Variants in SH2D4A observed in about 807,000 individuals in gnomAD.
SH2D4A encodes the protein SH2 domain containing 4A.
SH2D4A carries 70 observed loss-of-function variants against 64.7 expected under a neutral mutation model. That is an observed-to-expected ratio of 1.08 (90% CI 0.89 to 1.32). The LOEUF (loss-of-function observed/expected upper bound fraction) is 1.32. Among genes scored for constraint, SH2D4A ranks in the 40% most tolerant of loss-of-function variants. SH2D4A has a pLI of 0.00. For missense variants in SH2D4A, 706 were observed against 540.1 expected, an observed-to-expected ratio of 1.31 and a Z score of -3.04; for synonymous variants, 268 against 200.7, an observed-to-expected ratio of 1.34 and a Z score of -2.83.
intron 4 of SH2D4A, among the ~76,000 whole-genome samples, chr8:19,344,132 C>T (rs571164204): frequency 1.4e-4 from 21 of 152,252 alleles, no homozygotes; most frequent in Middle Eastern, 3.4e-3. Flanking sequence ...TATTAGTTTT[C>T]TTTGTGGCTT....
chr8:19,315,708 C>G (rs923632149), intron 1 of SH2D4A, among the ~76,000 whole-genome samples: 1 of 152,198 alleles, frequency 6.6e-6, no homozygotes, highest in Admixed American at 6.5e-5. Context: ...TCTTGAATAA[C>G]CGGAGATTTG....
At chr8:19,320,950 G>A (rs1432336899) in intron 2 of SH2D4A, among the ~76,000 whole-genome samples, 1 of 152,206 alleles carries the variant, frequency 6.6e-6, no homozygotes, top group Non-Finnish European at 1.5e-5. Context: ...CACAAAGGAG[G>A]TCAGTGTAGC....
In SH2D4A at chr8:19,316,516, G is replaced by C. The variant is rs1010623548; in HGVS notation, c.-205+2693G>C. Among the ~76,000 whole-genome samples the C allele has an allele frequency of 2.0e-5, 3 of 152,160 alleles. No individual in the cohort carries two copies. In the South Asian group the frequency reaches 6.2e-4, roughly 32 times the overall value. On this transcript the variant is annotated intron_variant, in intron 1 of 9. Transcript: ENST00000265807. ...ACGTGGGTAAGCAATGTCCACACCT[G>C]GGTCAGTGTGACAGTCGGTTCCTTG...
chr8:19,380,756 C>T (rs1008016558), intron 8 of SH2D4A, among the ~76,000 whole-genome samples: 1 of 152,152 alleles, frequency 6.6e-6, no homozygotes, highest in Non-Finnish European at 1.5e-5. Flanking sequence ...GCCAGTACCA[C>T]ACTGTTTTGA....
rs190366124 is a variant in SH2D4A at position 19,395,888 on chromosome 8, C to A, written c.*1246C>A. On this transcript the variant is annotated 3_prime_UTR_variant, in exon 10 of 10. Coordinates refer to ENST00000265807, the MANE Select transcript of SH2D4A (RefSeq NM_022071.4). ...TACAGTCGTTTATGTAATTACATAACCTGACACACAAGATCGACCCATTCA... is the reference window on the plus strand; with the variant it reads ...TACAGTCGTTTATGTAATTACATAAACTGACACACAAGATCGACCCATTCA... The A allele has an allele frequency of 6.7e-5, 10 of 150,098 alleles. No homozygotes were observed. The East Asian group carries it at 2.1e-3, about 31-fold the overall frequency. 9.3% of individuals were successfully genotyped at this position (150,098 alleles called of 1,614,324 possible).
rs1380819984 is a variant in SH2D4A, at chr8:19,334,747, C to A, written c.403C>A (p.Gln135Lys). ...LKTKSQYHDL[Q>K]APDNQQTKDI... ...AACAAAATCACAGTACCATGATCTG[C>A]AGGCTCCGGATAACCAGCAGACTAA... The change falls in exon 4 of 10, where the codon CAG (glutamine) becomes AAG (lysine). Residue 135 changes from glutamine (Q) to lysine (K), a missense_variant. Physicochemically the swap from Gln to Lys is moderately conservative, Grantham distance 53. Coordinates refer to ENST00000265807, the MANE Select transcript of SH2D4A (RefSeq NM_022071.4). 1.9e-6 allele frequency: 3 copies of A among 1,613,920 alleles called. No homozygotes were observed. The highest frequency in any genetic ancestry group is 2.5e-6 in the Non-Finnish European group (3 of 1,179,982).
chr8:19,358,192 C>G lies in SH2D4A; in HGVS notation c.594+909C>G, dbSNP rs368939224. Among the ~76,000 whole-genome samples, 4 of 152,266 alleles carry G rather than the reference C, an allele frequency of 2.6e-5. No homozygotes were observed. In the South Asian group the frequency reaches 8.3e-4, roughly 32 times the overall value. On this transcript the variant is annotated intron_variant, in intron 5 of 9. Coordinates refer to ENST00000265807, the MANE Select transcript of SH2D4A (RefSeq NM_022071.4). ...CTCACTATGTCATTTTAAATGGGGA[C>G]AGCTGAGGAAGACAAAGGATCGTAT...
At chr8:19,360,762 A>G (rs982506060) in intron 5 of SH2D4A, 2 of 152,308 alleles carry the variant, frequency 1.3e-5, no homozygotes, top group Non-Finnish European at 2.9e-5. Context: ...CAGCTACTGT[A>G]AAGTAGGTTG....
chr8:19,355,264 G>T (rs1037139790), intron 4 of SH2D4A, among the ~76,000 whole-genome samples: 1 of 152,068 alleles, frequency 6.6e-6, no homozygotes, highest in African/African-American at 2.4e-5. Context: ...GAGAGAGTGG[G>T]CCTGTTTTTA....
At position 19,394,889 on chromosome 8, in the gene SH2D4A, G is replaced by A; in HGVS notation, c.*247G>A. ...CTCAATTTCAGCAAGTACCTGTCAT[G>A]AAGGGTATGACCTTAATGATGTACA... On this transcript the variant is annotated 3_prime_UTR_variant, in exon 10 of 10. Transcript: ENST00000265807. The A allele has an allele frequency of 2.9e-6, 1 of 348,256 alleles. No individual in the cohort carries two copies. The highest frequency in any genetic ancestry group is 4.6e-5 in the East Asian group (1 of 21,704). 21.6% of individuals were successfully genotyped at this position (348,256 alleles called of 1,614,324 possible).
intron 7 of SH2D4A, among the ~76,000 whole-genome samples, chr8:19,365,260 C>T (rs745791337): frequency 1.3e-5 from 2 of 152,112 alleles, no homozygotes; most frequent in Admixed American, 6.5e-5. Flanking sequence ...TTTCTACTTA[C>T]TCTACTGGAA....
chr8:19,370,167 G>T lies in SH2D4A; in HGVS notation c.918-3363G>T, dbSNP rs368366149. Among the ~76,000 whole-genome samples the T allele has an allele frequency of 3.2e-4, 48 of 152,140 alleles. No individual in the cohort carries two copies. The East Asian group carries it at 8.1e-3, about 26-fold the overall frequency. Reference sequence around the variant, plus strand: ...TTTAACTTAAAACAATTTAAGAATTGTTTTGTGGCCTAACATATTCCTAGA... The same window carrying T: ...TTTAACTTAAAACAATTTAAGAATTTTTTTGTGGCCTAACATATTCCTAGA... On this transcript the variant is annotated intron_variant, in intron 7 of 9. Coordinates refer to ENST00000265807, the MANE Select transcript of SH2D4A (RefSeq NM_022071.4).
intron 7 of SH2D4A, among the ~76,000 whole-genome samples, chr8:19,368,424 C>A (rs1308974095): frequency 6.6e-6 from 1 of 152,076 alleles, no homozygotes; most frequent in East Asian, 1.9e-4. Flanking sequence ...ATAGGAATTA[C>A]ATTGAATCAG....
At chr8:19,317,303 A>ATT (rs761621347) in intron 1 of SH2D4A, among the ~76,000 whole-genome samples, 6,314 of 97,236 alleles carry the variant, frequency 0.065, 199 homozygotes, top group African/African-American at 0.13. Context: ...CAAGACATCC[A>ATT]TTTTTTTTTT....
chr8:19,394,535 C>A lies in SH2D4A; in HGVS notation c.1273-15C>A, dbSNP rs749786026. ...ACTACTTACACTATCTGACCCCGTGCCTTCTGATTGACAGGAGGAACCCAT... is the reference window on the plus strand; with the variant it reads ...ACTACTTACACTATCTGACCCCGTGACTTCTGATTGACAGGAGGAACCCAT... On this transcript the variant is annotated splice_polypyrimidine_tract_variant and intron_variant, in intron 9 of 9. Coordinates refer to ENST00000265807, the MANE Select transcript of SH2D4A (RefSeq NM_022071.4). The A allele has an allele frequency of 1.9e-6, 3 of 1,588,506 alleles. No individual in the cohort carries two copies. Among genetic ancestry groups the A allele is most frequent in the Non-Finnish European group, 1.7e-6 (2 of 1,162,546 alleles).
intron 2 of SH2D4A, among the ~76,000 whole-genome samples, chr8:19,324,679 C>A (rs73667639): frequency 0.016 from 2,415 of 152,220 alleles, 63 homozygotes; most frequent in African/African-American, 0.055. Context: ...CTGTATTCCC[C>A]AGGGGGTGCC....
rs1164333504 is a variant in SH2D4A at position 19,364,071 on chromosome 8, G to A, written c.707-1G>A. On this transcript the variant is annotated splice_acceptor_variant, in intron 6 of 9. Coordinates refer to ENST00000265807, the MANE Select transcript of SH2D4A (RefSeq NM_022071.4). LOFTEE classifies it high-confidence loss of function. Reference sequence around the variant, plus strand: ...TTTCTCCGACCCCGTTGTTTTTCCAGTGCGAAAATCCAAAGCAGCTGATGA... The same window carrying A: ...TTTCTCCGACCCCGTTGTTTTTCCAATGCGAAAATCCAAAGCAGCTGATGA... The A allele has an allele frequency of 1.2e-6, 2 of 1,613,848 alleles. No homozygotes were observed.
At chr8:19,378,049 C>A (rs950896148) in intron 8 of SH2D4A, among the ~76,000 whole-genome samples, 5 of 152,150 alleles carry the variant, frequency 3.3e-5, no homozygotes, top group Admixed American at 1.3e-4. Flanking sequence ...TATAGTGAGA[C>A]TGAGCTCATA....
chr8:19,313,920 A>T (rs2052038997), intron 1 of SH2D4A, 97 bp downstream of exon 1: 1 of 1,319,172 alleles, frequency 7.6e-7, no homozygotes, highest in East Asian at 3.1e-5. Flanking sequence ...GGTGCATGGG[A>T]GGCGCAGGGG....
Sources: gnomAD v4.1 joint callset for allele counts (sites outside exome capture counted in the v4.1 genomes callset) on GRCh38, gnomAD v4.1.1 for gene constraint, MANE v1.5 for transcripts, NCBI Gene and HGNC (gene_info 2026-07-23, HGNC 2026-07-21) for gene names.